Variants in CADM2 observed in about 807,000 individuals in gnomAD.
CADM2 encodes the protein immunoglobulin superfamily member 4D.
Under a neutral mutation model 49.8 loss-of-function variants are expected in CADM2, and 12 were observed. That is an observed-to-expected ratio of 0.24 (90% confidence interval 0.15 to 0.39). The LOEUF (loss-of-function observed/expected upper bound fraction) is 0.39. Ranked by LOEUF, CADM2 falls within the 10% of genes least tolerant of loss-of-function variation. The pLI, the probability that CADM2 is intolerant of heterozygous loss-of-function variation, is 1.00. For synonymous variants in CADM2, 214 were observed against 175.4 expected (o/e 1.22, Z -1.74); for missense variants, 378 against 492.3 (o/e 0.77, Z 2.20).
intron 1 of CADM2, among the ~76,000 whole-genome samples, chr3:85,198,447 C>T (rs1218023528): frequency 6.7e-6 from 1 of 150,296 alleles, no homozygotes; most frequent in Non-Finnish European, 1.5e-5. Context: ...ATGTTGGTCT[C>T]ACCACGATGT....
chr3:85,959,889 T>G (rs1394106149), intron 7 of CADM2, among the ~76,000 whole-genome samples: 2 of 151,946 alleles, frequency 1.3e-5, no homozygotes, highest in African/African-American at 2.4e-5. Context: ...ACAAAATCAC[T>G]TAATAACACA....
intron 1 of CADM2, among the ~76,000 whole-genome samples, chr3:85,569,713 A>G (rs1156932104): frequency 3.7e-5 from 5 of 133,624 alleles, no homozygotes; most frequent in African/African-American, 1.3e-4. Context: ...AAAAAAAAAA[A>G]AGAAAAAAAA....
intron 1 of CADM2, among the ~76,000 whole-genome samples, chr3:85,489,728 C>T (rs988308480): frequency 6.9e-6 from 1 of 144,022 alleles, no homozygotes; most frequent in African/African-American, 2.6e-5. Context: ...AAGTGTCCTT[C>T]TAAAAATTAT....
chr3:85,562,252 G>A (rs1265112893), intron 1 of CADM2, among the ~76,000 whole-genome samples: 1 of 151,974 alleles, frequency 6.6e-6, no homozygotes, highest in Non-Finnish European at 1.5e-5. Flanking sequence ...GGCTGAGACA[G>A]GCGGATCACC....
intron 6 of CADM2, among the ~76,000 whole-genome samples, chr3:85,918,051 G>A (rs1187250933): frequency 1.3e-5 from 2 of 150,082 alleles, no homozygotes; most frequent in Non-Finnish European, 3.0e-5. Flanking sequence ...TTATCAGCTT[G>A]GGCTTAGACG....
intron 3 of CADM2, among the ~76,000 whole-genome samples, chr3:85,843,030 T>C (rs2074710000): frequency 6.6e-6 from 1 of 152,108 alleles, no homozygotes. Flanking sequence ...AGTACCTATG[T>C]ATATTGGCAG....
intron 1 of CADM2, among the ~76,000 whole-genome samples, chr3:85,388,013 C>T (rs905195650): frequency 3.3e-5 from 5 of 152,166 alleles, no homozygotes; most frequent in Non-Finnish European, 5.9e-5. Context: ...CTTAGAGACC[C>T]TGACATAAGT....
intron 3 of CADM2, among the ~76,000 whole-genome samples, chr3:85,870,134 C>CTTGGTATTT (rs1293169163): frequency 2.0e-5 from 3 of 152,090 alleles, no homozygotes; most frequent in Non-Finnish European, 4.4e-5. Flanking sequence ...GCAGCACTGA[C>CTTGGTATTT]TTGGTATTTT....
At chr3:85,525,860 C>T (rs2061148739) in intron 1 of CADM2, among the ~76,000 whole-genome samples, 2 of 151,852 alleles carry the variant, frequency 1.3e-5, no homozygotes, top group Non-Finnish European at 2.9e-5. Context: ...TTTGATTTGT[C>T]ACACTGTACT....
At chr3:85,113,216 A>G (rs1697192812) in intron 1 of CADM2, among the ~76,000 whole-genome samples, 2 of 152,190 alleles carry the variant, frequency 1.3e-5, no homozygotes, top group South Asian at 4.1e-4. Context: ...CTCTCATTTT[A>G]CTGAATGCAG....
chr3:85,673,799 A>T (rs1365781239), intron 1 of CADM2, among the ~76,000 whole-genome samples: 1 of 152,120 alleles, frequency 6.6e-6, no homozygotes, highest in African/African-American at 2.4e-5. Context: ...CATGTGTAGG[A>T]TATGTTTAGG....
chr3:84,975,394 A>G (rs2031753925), intron 1 of CADM2, among the ~76,000 whole-genome samples: 1 of 151,668 alleles, frequency 6.6e-6, no homozygotes, highest in Non-Finnish European at 1.5e-5. Context: ...ATTTTTTTTC[A>G]TCAAAAATCA....
chr3:85,989,042 A>C (rs993080267), intron 8 of CADM2, among the ~76,000 whole-genome samples: 1 of 152,198 alleles, frequency 6.6e-6, no homozygotes, highest in Non-Finnish European at 1.5e-5. Context: ...TGGGTAAAGT[A>C]CAATGCTCTT....
intron 1 of CADM2, among the ~76,000 whole-genome samples, chr3:85,319,702 A>G (rs888959830): frequency 2.6e-5 from 4 of 152,212 alleles, no homozygotes. Flanking sequence ...CAGAAAACCA[A>G]GTACCATATG....
rs576669917 is a variant in CADM2, at chr3:85,978,598, C to T, written c.970+16951C>T. 1.6e-4 allele frequency among the ~76,000 whole-genome samples: 25 copies of T among 151,666 alleles called. No homozygotes were observed. In the South Asian group the frequency reaches 5.2e-3, roughly 31 times the overall value. ...TGTGCATTAACCTCATTTGTGAGAA[C>T]AGGAGAAGCAAAATAACAATAATAA... is the stretch of plus-strand genomic sequence containing the variant. On this transcript the variant is annotated intron_variant, in intron 8 of 9. Transcript: ENST00000383699.
chr3:85,960,526 T>C (rs901075759), intron 7 of CADM2, among the ~76,000 whole-genome samples: 1 of 151,960 alleles, frequency 6.6e-6, no homozygotes, highest in African/African-American at 2.4e-5. Flanking sequence ...ATCTATATTC[T>C]TATATGCAGC....
intron 1 of CADM2, among the ~76,000 whole-genome samples, chr3:85,348,913 C>A (rs1235692704): frequency 2.0e-5 from 3 of 151,892 alleles, no homozygotes; most frequent in Non-Finnish European, 4.4e-5. Flanking sequence ...TCTTGTTTTT[C>A]ATCAATGAAT....
intron 1 of CADM2, among the ~76,000 whole-genome samples, chr3:85,110,675 G>A (rs569768037): frequency 6.6e-6 from 1 of 151,908 alleles, no homozygotes; most frequent in Admixed American, 6.6e-5. Context: ...TGTTAAGCTG[G>A]CAAATACACG....
intron 1 of CADM2, among the ~76,000 whole-genome samples, chr3:85,323,536 T>C (rs2044671126): frequency 1.3e-5 from 2 of 152,198 alleles, no homozygotes; most frequent in African/African-American, 4.8e-5. Context: ...TCACACTGCC[T>C]ACTTGACAGT....
Sources: gnomAD v4.1 joint callset for allele counts (sites outside exome capture counted in the v4.1 genomes callset) on GRCh38, gnomAD v4.1.1 for gene constraint, MANE v1.5 for transcripts, NCBI Gene and HGNC (gene_info 2026-07-23, HGNC 2026-07-21) for gene names.